STK36: variants seen among roughly 807,000 people sequenced by gnomAD.
STK36 encodes the protein serine/threonine-protein kinase 36.
Under a neutral mutation model 142.2 loss-of-function variants are expected in STK36, and 116 were observed. The observed-to-expected ratio is 0.82, with a 90% confidence interval of 0.70 to 0.95. The LOEUF (loss-of-function observed/expected upper bound fraction) is 0.95, where lower values mean the gene tolerates loss of function less well. Ranked by LOEUF, STK36 falls within the 40% of genes least tolerant of loss-of-function variation. The pLI is 0.00. For synonymous variants in STK36, 619 were observed against 641.7 expected (o/e 0.96, Z 0.53); for missense variants, 1,422 against 1,617.2 (o/e 0.88, Z 2.07).
Position 218,694,680 on chromosome 2 carries a change from G to C in STK36, c.2511+45G>C. On this transcript the variant is annotated intron_variant, in intron 21 of 26. Transcript: ENST00000295709. This position sits in a 1 kb window ranked among gnomAD's most constrained non-coding sequence, Gnocchi z 4.4. Reference sequence around the variant, plus strand: ...GCACAGACATGTTTTCTCTGAGTCAGACACTAGGACTGCATTCAAGGGGAA... The same window carrying C: ...GCACAGACATGTTTTCTCTGAGTCACACACTAGGACTGCATTCAAGGGGAA... 1.3e-6 allele frequency: 2 copies of C among 1,506,228 alleles called. No homozygotes were observed. Among genetic ancestry groups the C allele is most frequent in the Non-Finnish European group, 9.2e-7 (1 of 1,083,198 alleles). 93.3% of individuals were successfully genotyped at this position (1,506,228 alleles called of 1,614,324 possible).
At chr2:218,689,305 G>C (rs1389001773) in intron 12 of STK36, among the ~76,000 whole-genome samples, 1 of 152,150 alleles carries the variant, frequency 6.6e-6, no homozygotes, top group Non-Finnish European at 1.5e-5. Flanking sequence ...TAGATCCTAG[G>C]CTTCATTGAC....
chr2:218,696,978 A>G (rs1941256649), intron 22 of STK36, 61 bp from the exon 23 acceptor site: 5 of 1,603,558 alleles, frequency 3.1e-6, no homozygotes, highest in African/African-American at 2.7e-5. Flanking sequence ...AGGAATGAAT[A>G]AAAGCATTTG....
chr2:218,679,434 C>T (rs1575124397), intron 7 of STK36, 126 bp from the exon 8 acceptor site: 1 of 1,345,066 alleles, frequency 7.4e-7, no homozygotes, highest in East Asian at 2.4e-5. Flanking sequence ...CCCACTCTCT[C>T]TCTGTCACTT....
intron 14 of STK36, among the ~76,000 whole-genome samples, chr2:218,691,232 A>G (rs1308687583): frequency 6.6e-6 from 1 of 152,204 alleles, no homozygotes; most frequent in Non-Finnish European, 1.5e-5. Context: ...AGAGGAACAT[A>G]TATTTGTAAG....
At chr2:218,680,582 C>T in intron 9 of STK36, 21 bp from the exon 10 acceptor site, 4 of 1,600,980 alleles carry the variant, frequency 2.5e-6, no homozygotes, top group Middle Eastern at 1.7e-4. Context: ...ACCCGTTCTA[C>T]CCCTTGGCTT....
intron 10 of STK36, among the ~76,000 whole-genome samples, chr2:218,683,274 A>ATT (rs747160623): frequency 6.7e-5 from 9 of 133,492 alleles, no homozygotes; most frequent in African/African-American, 1.9e-4. Context: ...ATGCCCAGCT[A>ATT]TTTTTTTTTT....
intron 11 of STK36, among the ~76,000 whole-genome samples, chr2:218,685,741 AAC>A (rs1044183081): frequency 6.6e-6 from 1 of 152,130 alleles, no homozygotes; most frequent in African/African-American, 2.4e-5. Flanking sequence ...GCTCCTCTGA[AAC>A]ACAGTGCTTT....
At chr2:218,690,077 A>G in intron 13 of STK36, 121 bp downstream of exon 13, 2 of 966,814 alleles carry the variant, frequency 2.1e-6, no homozygotes, top group Non-Finnish European at 3.1e-6. Context: ...AGGTTTAGGA[A>G]TCAGCTGAGT....
chr2:218,682,429 A>G (rs1940567018), intron 10 of STK36, among the ~76,000 whole-genome samples: 1 of 152,194 alleles, frequency 6.6e-6, no homozygotes, highest in African/African-American at 2.4e-5. Flanking sequence ...AACACAGTAC[A>G]ATTATGAAAG....
chr2:218,682,536 G>A (rs567353656), intron 10 of STK36, among the ~76,000 whole-genome samples: 9 of 152,182 alleles, frequency 5.9e-5, no homozygotes, highest in Middle Eastern at 6.8e-3. Context: ...AGTAATGTGC[G>A]TTATGAAAAT....
At chr2:218,688,595 T>C (rs1338488063) in intron 11 of STK36, 102 bp from the exon 12 acceptor site, 3 of 1,265,256 alleles carry the variant, frequency 2.4e-6, no homozygotes, top group Admixed American at 2.3e-5. Context: ...TGCAAGCATG[T>C]GGTCTGCTTT....
chr2:218,692,845 C>T (rs1284878904), intron 16 of STK36, 135 bp downstream of exon 16: 1 of 1,240,126 alleles, frequency 8.1e-7, no homozygotes. Context: ...GATGCTCCCA[C>T]CCTGGGCCAT....
At chr2:218,675,613 C>T in intron 5 of STK36, 140 bp downstream of exon 5, 2 of 1,070,634 alleles carry the variant, frequency 1.9e-6, no homozygotes, top group Non-Finnish European at 2.6e-6. Flanking sequence ...CAACCTCTGC[C>T]TCCCGGATTC....
At chr2:218,700,763 G>T (rs1314989458) in intron 26 of STK36, among the ~76,000 whole-genome samples, 5 of 151,474 alleles carry the variant, frequency 3.3e-5, no homozygotes. Flanking sequence ...TGTAATCCCA[G>T]CACTTTGGGA....
At chr2:218,697,645 C>G (rs1941287589) in intron 24 of STK36, 35 bp downstream of exon 24, 1 of 1,611,228 alleles carries the variant, frequency 6.2e-7, no homozygotes, top group Non-Finnish European at 8.5e-7. Context: ...ACAGAGTCAG[C>G]AACGGGGAGG....
chr2:218,688,640 C>A, intron 11 of STK36, 57 bp from the exon 12 acceptor site: 1 of 1,568,462 alleles, frequency 6.4e-7, no homozygotes, highest in South Asian at 1.2e-5. Flanking sequence ...ATGTGTAGTT[C>A]TCCTTCTTTT....
chr2:218,696,737 A>G, intron 22 of STK36, 136 bp downstream of exon 22: 1 of 1,032,490 alleles, frequency 9.7e-7, no homozygotes, highest in Non-Finnish European at 1.5e-6. Flanking sequence ...TAGCCTTGGA[A>G]CTTCCCCGCC....
At position 218,698,720 on chromosome 2, in the gene STK36, C is replaced by T. The variant is rs1575144500; in HGVS notation, c.3176C>T (p.Pro1059Leu). 4 of 1,614,224 alleles carry T rather than the reference C, an allele frequency of 2.5e-6. No homozygotes were observed. Among genetic ancestry groups the T allele is most frequent in the Non-Finnish European group, 3.4e-6 (4 of 1,180,048 alleles). The change falls in exon 26 of 27, where the codon CCT becomes CTT. Residue 1059 changes from proline (P) to leucine (L), a missense_variant. By Grantham distance (98) the Pro-to-Leu change is moderately conservative. Around this residue, in one of 2 missense-constraint regions of STK36, gnomAD observed 962 missense variants for 1,167.5 expected, o/e 0.82. Coordinates refer to ENST00000295709, the MANE Select transcript of STK36 (RefSeq NM_015690.5). ...NQFVNTVSAS[P>L]RTIVSFLSVA... ...TTTGTGAACACAGTGTCTGCCTCCC[C>T]TAGAACCATCGTCTCGTTTCTCTCA... is the stretch of plus-strand genomic sequence containing the variant.
chr2:218,696,128 C>G (rs1367754986), intron 21 of STK36, among the ~76,000 whole-genome samples: 1 of 152,170 alleles, frequency 6.6e-6, no homozygotes, highest in Non-Finnish European at 1.5e-5. Flanking sequence ...TCCCAAAGTG[C>G]TGGGATTACA....
Sources: allele counts gnomAD v4.1 joint callset (sites outside exome capture counted in the v4.1 genomes callset), GRCh38; gene constraint gnomAD v4.1.1; regional missense constraint gnomAD v4.1.1; non-coding constraint Gnocchi (gnomAD v3.1); transcripts MANE v1.5; gene names NCBI Gene and HGNC (gene_info 2026-07-23, HGNC 2026-07-21).